Variants in TPCN1 observed in about 807,000 individuals in gnomAD.
TPCN1 encodes the protein two pore channel protein 1.
In TPCN1, 52 loss-of-function variants were observed where a neutral mutation model predicts 108.8. The ratio of observed to expected loss-of-function variants is 0.48; its 90% confidence interval spans 0.38 to 0.60. The LOEUF is 0.60. TPCN1 is among the 20% of genes least tolerant of loss of function. The pLI, the probability that TPCN1 is intolerant of heterozygous loss-of-function variation, is 0.00. For synonymous variants in TPCN1, 446 were observed against 433.7 expected, an observed-to-expected ratio of 1.03 and a Z score of -0.35; for missense variants, 806 against 1,072.8, an observed-to-expected ratio of 0.75 and a Z score of 3.47.
In TPCN1 at chr12:113,290,212, C is replaced by A. The variant is rs191800726; in HGVS notation, c.1881C>A (p.Leu627=). 46 of 1,605,466 alleles carry A rather than the reference C, an allele frequency of 2.9e-5. No individual in the cohort carries two copies. In the Admixed American group the frequency reaches 7.8e-4, roughly 27 times the overall value. ...RTVVEEGYYY[L]NNFDNILNSF... ...TGGTGGAGGAAGGCTACTATTATCT[C>A]AATAATTTTGACAACATCCTCAACA... Residue 627 remains leucine, a synonymous_variant, in exon 22 of 28, where the codon CTC becomes CTA. Coordinates refer to ENST00000335509, the MANE Select transcript of TPCN1 (RefSeq NM_017901.6).
At chr12:113,242,108 T>C (rs1954162086) in intron 2 of TPCN1, among the ~76,000 whole-genome samples, 1 of 152,044 alleles carries the variant, frequency 6.6e-6, no homozygotes, top group South Asian at 2.1e-4. Context: ...GGAAGGAGGA[T>C]TAGACAATAA....
intron 1 of TPCN1, among the ~76,000 whole-genome samples, chr12:113,224,939 C>T (rs1953416610): frequency 2.0e-5 from 3 of 151,876 alleles, no homozygotes; most frequent in Admixed American, 6.6e-5. Context: ...TTAATAGAGG[C>T]GGGGTTTCTT....
intron 10 of TPCN1, among the ~76,000 whole-genome samples, chr12:113,274,455 A>C (rs1955607979): frequency 6.6e-6 from 1 of 152,228 alleles, no homozygotes. Flanking sequence ...ATCAAAAAAA[A>C]AAAATTGTTA....
At chr12:113,279,384 T>TAC (rs1955803771) in intron 14 of TPCN1, among the ~76,000 whole-genome samples, 1 of 40,724 alleles carries the variant, frequency 2.5e-5, no homozygotes, top group Non-Finnish European at 4.6e-5. Context: ...TATATATATA[T>TAC]ATATATATTT....
At chr12:113,285,846 G>A (rs71465894) in intron 17 of TPCN1, 43 bp from the exon 18 acceptor site, 3 of 1,541,738 alleles carry the variant, frequency 1.9e-6, no homozygotes, top group Non-Finnish European at 2.7e-6. Flanking sequence ...GCATGGGGGA[G>A]GATGTGGCGG....
intron 10 of TPCN1, 72 bp from the exon 11 acceptor site, chr12:113,276,847 T>G (rs1955688125): frequency 9.7e-7 from 1 of 1,028,980 alleles, no homozygotes; most frequent in Non-Finnish European, 1.5e-6. Context: ...GATGATGAAC[T>G]CATACCCCCC....
chr12:113,238,581 C>T (rs1184181328), intron 2 of TPCN1, among the ~76,000 whole-genome samples: 3 of 152,234 alleles, frequency 2.0e-5, no homozygotes, highest in East Asian at 1.9e-4. Flanking sequence ...AGGCATGAGC[C>T]ACCACTCCTG....
chr12:113,288,374 C>G lies in TPCN1; in HGVS notation c.1706+140C>G. 1 of 1,507,094 alleles carries G rather than the reference C, an allele frequency of 6.6e-7. No individual in the cohort carries two copies. The highest frequency in any genetic ancestry group is 8.9e-7 in the Non-Finnish European group (1 of 1,129,658). The allele number at this position is 1,507,094 out of a possible 1,614,324, so 93.4% of individuals were successfully genotyped here. ...AGGGCCTGACGGGGCTCCAAGGAGC[C>G]TGGAATCTTGACCACCACAGGTCTC... On this transcript the variant is annotated intron_variant, in intron 20 of 27. Transcript: ENST00000335509. The surrounding 1 kb of genome is among the most constrained non-coding windows in gnomAD (Gnocchi z 4.8).
rs972329837 is a variant in TPCN1 at position 113,276,991 on chromosome 12, C to T, written c.1015C>T (p.Arg339Ter). 1.9e-6 allele frequency: 3 copies of T among 1,613,952 alleles called. No individual in the cohort carries two copies. The highest frequency in any genetic ancestry group is 2.5e-6 in the Non-Finnish European group (3 of 1,180,026). Residue 339 changes from arginine (R) to a stop codon, truncating the protein, a stop_gained, in exon 11 of 28, where the codon CGA becomes TGA. Coordinates refer to ENST00000335509, the MANE Select transcript of TPCN1 (RefSeq NM_017901.6). LOFTEE classifies it high-confidence loss of function. ...GTTCAAGTCTTTGCTACTGCACAAG[C>T]GAACCGCTATCCAGCATGCCTACCG... ...RKFKSLLLHK[R>*]TAIQHAYRLL...
In TPCN1 at chr12:113,292,949, C is replaced by A; in HGVS notation, c.2129C>A (p.Thr710Asn). The A allele has an allele frequency of 6.2e-7, 1 of 1,612,694 alleles. No individual in the cohort carries two copies. Among genetic ancestry groups the A allele is most frequent in the Non-Finnish European group, 8.5e-7 (1 of 1,179,892 alleles). The change falls in exon 26 of 28, where the codon ACC (threonine) becomes AAC (asparagine). Residue 710 changes from threonine (T) to asparagine (N), a missense_variant. Transcript: ENST00000335509. ...ATCCCTGCAGTTGATGGTGGCATCA[C>A]CCTTGAGAAGGAAATCTCCAAAGAA... is the stretch of plus-strand genomic sequence containing the variant. ...NQDSEVDGGITLEKEISKEEL... is the reference protein window; with the variant it reads ...NQDSEVDGGINLEKEISKEEL...
intron 2 of TPCN1, among the ~76,000 whole-genome samples, chr12:113,260,023 C>T (rs1053686555): frequency 2.6e-5 from 4 of 152,182 alleles, no homozygotes; most frequent in African/African-American, 7.2e-5. Flanking sequence ...CCTTGTAGGG[C>T]GACTGATTTC....
chr12:113,276,603 C>G (rs935708119), intron 10 of TPCN1, among the ~76,000 whole-genome samples: 4 of 152,262 alleles, frequency 2.6e-5, no homozygotes, highest in African/African-American at 9.6e-5. Flanking sequence ...CTTGCCCCTG[C>G]GCAGCCTGGG....
chr12:113,265,862 T>C (rs1955240970), intron 3 of TPCN1, among the ~76,000 whole-genome samples: 1 of 152,136 alleles, frequency 6.6e-6, no homozygotes, highest in South Asian at 2.1e-4. Context: ...AAGTCCTGGC[T>C]CAAGGGATCT....
At chr12:113,246,350 C>T (rs1461637958) in intron 2 of TPCN1, among the ~76,000 whole-genome samples, 1 of 152,228 alleles carries the variant, frequency 6.6e-6, no homozygotes, top group Non-Finnish European at 1.5e-5. Flanking sequence ...GCTGTCTGCC[C>T]AGGGCACCAG....
At chr12:113,239,899 C>T (rs1418322945) in intron 2 of TPCN1, among the ~76,000 whole-genome samples, 1 of 152,052 alleles carries the variant, frequency 6.6e-6, no homozygotes, top group Admixed American at 6.5e-5. Flanking sequence ...TTGCTGAAAA[C>T]CAGCTTGGGC....
At position 113,269,725 on chromosome 12, in the gene TPCN1, T is replaced by C; in HGVS notation, c.660-32T>C. On this transcript the variant is annotated intron_variant, in intron 6 of 27. Transcript: ENST00000335509. This position sits in a 1 kb window ranked among gnomAD's most constrained non-coding sequence, Gnocchi z 5.0. ...GTCCCAGGCAGCCCGCCCCAGCTGG[T>C]GCCTCCCCTGAGCTGGCCCATCTCT... 6.2e-7 allele frequency: 1 copy of C among 1,604,798 alleles called. No individual in the cohort carries two copies. Among genetic ancestry groups the C allele is most frequent in the Non-Finnish European group, 8.5e-7 (1 of 1,174,382 alleles).
intron 7 of TPCN1, among the ~76,000 whole-genome samples, chr12:113,271,027 G>A (rs1213376417): frequency 6.6e-6 from 1 of 152,148 alleles, no homozygotes; most frequent in Non-Finnish European, 1.5e-5. Context: ...GGAGGAGGAG[G>A]CAGGCAGATC....
intron 1 of TPCN1, among the ~76,000 whole-genome samples, chr12:113,224,903 A>C (rs1953414705): frequency 6.6e-6 from 1 of 152,034 alleles, no homozygotes; most frequent in African/African-American, 2.4e-5. Context: ...GGCGCAAGCC[A>C]CCACACCCAG....
chr12:113,226,432 C>T (rs1030670501), intron 1 of TPCN1, among the ~76,000 whole-genome samples: 1 of 152,054 alleles, frequency 6.6e-6, no homozygotes, highest in African/African-American at 2.4e-5. Flanking sequence ...AGGCACCTAC[C>T]ACCAAGCCCA....
Sources: allele counts gnomAD v4.1 joint callset (sites outside exome capture counted in the v4.1 genomes callset), GRCh38; gene constraint gnomAD v4.1.1; non-coding constraint Gnocchi (gnomAD v3.1); transcripts MANE v1.5; gene names NCBI Gene and HGNC (gene_info 2026-07-23, HGNC 2026-07-21).